Variants in SLC25A44 observed in about 807,000 individuals in gnomAD.
SLC25A44 encodes solute carrier family 25 member 44, also known as solute carrier family 25, member 44.
A neutral mutation model predicts 29.9 loss-of-function variants in SLC25A44; 17 were observed. That is an observed-to-expected ratio of 0.57 (90% CI 0.39 to 0.85). The LOEUF (loss-of-function observed/expected upper bound fraction) is 0.85. SLC25A44 is among the 40% of genes least tolerant of loss of function. The pLI, the probability that SLC25A44 is intolerant of heterozygous loss-of-function variation, is 0.00. For missense variants in SLC25A44, 302 were observed against 398.4 expected, an observed-to-expected ratio of 0.76 and a Z score of 2.06; for synonymous variants, 140 against 151.8, an observed-to-expected ratio of 0.92 and a Z score of 0.57.
chr1:156,205,285 G>A (rs1363158995), intron 2 of SLC25A44, among the ~76,000 whole-genome samples: 2 of 151,942 alleles, frequency 1.3e-5, no homozygotes, highest in African/African-American at 4.8e-5. Context: ...TCAGGTGATC[G>A]CCCGCCTCTG....
At position 156,211,097 on chromosome 1, in the gene SLC25A44, TGTG is replaced by T. The variant is rs1375764222; in HGVS notation, c.*667_*669del. 1 of 152,988 alleles carries T rather than the reference TGTG, an allele frequency of 6.5e-6. No individual in the cohort carries two copies. Among genetic ancestry groups the T allele is most frequent in the Non-Finnish European group, 1.4e-5 (1 of 69,290 alleles). 9.5% of individuals were successfully genotyped at this position (152,988 alleles called of 1,614,324 possible). The stretch of plus-strand genomic sequence containing the variant: ...GTGTGTGTGTGTGTGTGTGTGTGTG[TGTG>T]TTTTAACATCTGTGAACCAGGCTAT... On this transcript the variant is annotated 3_prime_UTR_variant, in exon 4 of 4. Transcript: ENST00000359511.
In SLC25A44 at chr1:156,208,555, C is replaced by T. The variant is rs1657100405; in HGVS notation, c.753+542C>T. 2.6e-5 allele frequency among the ~76,000 whole-genome samples: 4 copies of T among 152,334 alleles called. No individual in the cohort carries two copies. In the South Asian group the frequency reaches 8.3e-4, roughly 32 times the overall value. The stretch of plus-strand genomic sequence containing the variant: ...TCTGTCTGCTACCTTGCATACCTCT[C>T]CTCCATCACATGCCCATGCCTCCAG... On this transcript the variant is annotated intron_variant, in intron 3 of 3. Transcript: ENST00000359511.
intron 1 of SLC25A44, 124 bp from the exon 2 acceptor site, chr1:156,199,711 G>T: frequency 2.5e-5 from 19 of 760,232 alleles, no homozygotes; most frequent in Admixed American, 5.6e-5. Context: ...TGGAGTCCAA[G>T]CTTTGGGCAG....
chr1:156,205,047 T>A lies in SLC25A44; in HGVS notation c.626-2839T>A, dbSNP rs537748574. ...TAAAACTAGGAGCATGAGGAAAAAA[T>A]TTTTTTTTTTTTTGAGATGGAGTTT... On this transcript the variant is annotated intron_variant, in intron 2 of 3. Transcript: ENST00000359511. Among the ~76,000 whole-genome samples, 590 of 147,432 alleles carry A rather than the reference T, an allele frequency of 4.0e-3. 1 individual carries two copies. The highest frequency in any genetic ancestry group is 0.015 in the Admixed American group (218 of 14,666).
intron 2 of SLC25A44, among the ~76,000 whole-genome samples, chr1:156,201,099 G>T (rs1656551075): frequency 1.3e-5 from 2 of 152,056 alleles, no homozygotes; most frequent in Admixed American, 1.3e-4. Flanking sequence ...CTCCCAAAGT[G>T]CTGGGATTAC....
Position 156,210,615 on chromosome 1 carries a change from T to C in SLC25A44, c.*184T>C. ...TTGCTGAAGAGGCTCCACGCCTGGA[T>C]CCCTTGCCCCCACTATTTAAAATTC... On this transcript the variant is annotated 3_prime_UTR_variant, in exon 4 of 4. Transcript: ENST00000359511. 2 of 406,402 alleles carry C rather than the reference T, an allele frequency of 4.9e-6. No homozygotes were observed. The highest frequency in any genetic ancestry group is 8.8e-6 in the Non-Finnish European group (2 of 228,276). The allele number at this position is 406,402 out of a possible 1,614,324, so 25.2% of individuals were successfully genotyped here.
At chr1:156,203,932 C>T (rs1218178596) in intron 2 of SLC25A44, among the ~76,000 whole-genome samples, 3 of 151,516 alleles carry the variant, frequency 2.0e-5, no homozygotes, top group Admixed American at 6.6e-5. Flanking sequence ...TCTTGATCTC[C>T]TGACCTTGTG....
At chr1:156,202,606 TC>T (rs1656656140) in intron 2 of SLC25A44, among the ~76,000 whole-genome samples, 2 of 152,192 alleles carry the variant, frequency 1.3e-5, no homozygotes, top group African/African-American at 2.4e-5. Context: ...CCTTATTGCC[TC>T]CTCTTCCTTC....
At position 156,207,326 on chromosome 1, in the gene SLC25A44, T is replaced by C. The variant is rs562000787; in HGVS notation, c.626-560T>C. On this transcript the variant is annotated intron_variant, in intron 2 of 3. Coordinates refer to ENST00000359511, the MANE Select transcript of SLC25A44 (RefSeq NM_014655.4). ...CTGAGTAGCTGGGACTACAGGCGCCTGCCACCATGCCCAGCTAATTTTCTT... is the reference window on the plus strand; with the variant it reads ...CTGAGTAGCTGGGACTACAGGCGCCCGCCACCATGCCCAGCTAATTTTCTT... 3.9e-5 allele frequency among the ~76,000 whole-genome samples: 6 copies of C among 152,084 alleles called. No individual in the cohort carries two copies. The South Asian group carries it at 8.3e-4, about 21-fold the overall frequency.
intron 1 of SLC25A44, among the ~76,000 whole-genome samples, chr1:156,195,915 C>T (rs1274162357): frequency 6.6e-6 from 1 of 152,184 alleles, no homozygotes; most frequent in Admixed American, 6.5e-5. Context: ...CCTATTTGTC[C>T]CTTTCCATTG....
intron 2 of SLC25A44, among the ~76,000 whole-genome samples, chr1:156,201,503 T>C (rs1023943918): frequency 1.3e-5 from 2 of 152,198 alleles, no homozygotes; most frequent in African/African-American, 4.8e-5. Flanking sequence ...GACCAAAATT[T>C]TCATGCCTTC....
chr1:156,208,862 C>T (rs1321195146), intron 3 of SLC25A44, among the ~76,000 whole-genome samples: 1 of 152,194 alleles, frequency 6.6e-6, no homozygotes, highest in Non-Finnish European at 1.5e-5. Flanking sequence ...AAGACAGTTA[C>T]ACAGCACCTA....
At chr1:156,204,905 G>C (rs1466787903) in intron 2 of SLC25A44, among the ~76,000 whole-genome samples, 1 of 152,084 alleles carries the variant, frequency 6.6e-6, no homozygotes, top group Non-Finnish European at 1.5e-5. Flanking sequence ...ATAAGAACTG[G>C]GGGAGAGGTG....
intron 2 of SLC25A44, among the ~76,000 whole-genome samples, chr1:156,206,436 C>A (rs1005727698): frequency 2.0e-5 from 3 of 152,132 alleles, no homozygotes; most frequent in Non-Finnish European, 2.9e-5. Flanking sequence ...CGGGGTTTCA[C>A]CATGTTGGTC....
intron 2 of SLC25A44, among the ~76,000 whole-genome samples, chr1:156,201,073 A>G (rs1293343413): frequency 6.6e-6 from 1 of 151,882 alleles, no homozygotes; most frequent in Non-Finnish European, 1.5e-5. Context: ...TGACCTCGTG[A>G]TCTGCCCGCC....
rs1256183658 is a variant in SLC25A44 at position 156,195,807 on chromosome 1, C to T, written c.-14+1560C>T. ...TAGGTGACACTACCTTCTCTCGAGC[C>T]AGAATCTTATCCCAGAACCTAGTGA... On this transcript the variant is annotated intron_variant, in intron 1 of 3. Transcript: ENST00000359511. Among the ~76,000 whole-genome samples, 4 of 152,316 alleles carry T rather than the reference C, an allele frequency of 2.6e-5. No homozygotes were observed. In the South Asian group the frequency reaches 8.3e-4, roughly 32 times the overall value.
Position 156,200,205 on chromosome 1 carries a change from TC to T in SLC25A44, c.361del (p.Val122TrpfsTer11). The T allele has an allele frequency of 6.2e-7, 1 of 1,614,158 alleles. No homozygotes were observed. Among genetic ancestry groups the T allele is most frequent in the Non-Finnish European group, 8.5e-7 (1 of 1,180,028 alleles). On this transcript the variant is annotated frameshift_variant, in exon 2 of 4. Coordinates refer to ENST00000359511, the MANE Select transcript of SLC25A44 (RefSeq NM_014655.4). LOFTEE classifies it high-confidence loss of function. ...ATCACTGGTGGCTGGTGGCTCAGCC[TC>T]CCTTGTGGCCCAGAGCATCACAGTG... ...VKSLVAGGSASLVAQSITVPI... is the reference protein window; with the variant it reads ...VKSLVAGGSAXLVAQSITVPI...
chr1:156,199,279 G>A (rs1427011745), intron 1 of SLC25A44: 1 of 153,746 alleles, frequency 6.5e-6, no homozygotes, highest in Non-Finnish European at 1.4e-5. Context: ...AAGGCCACAG[G>A]TGATGCCTCC....
At chr1:156,207,722 A>C (rs962507143) in intron 2 of SLC25A44, 164 bp from the exon 3 acceptor site, 1 of 654,772 alleles carries the variant, frequency 1.5e-6, no homozygotes, top group African/African-American at 1.8e-5. Context: ...CTGAGACTTA[A>C]TAGTTTTTTG....
Sources: gnomAD v4.1 joint callset for allele counts (sites outside exome capture counted in the v4.1 genomes callset) on GRCh38, gnomAD v4.1.1 for gene constraint, MANE v1.5 for transcripts, NCBI Gene and HGNC (gene_info 2026-07-23, HGNC 2026-07-21) for gene names.